ABI3BP: variants seen among roughly 807,000 people sequenced by gnomAD.
ABI3BP encodes ABI family member 3 binding protein.
A neutral mutation model predicts 268.6 loss-of-function variants in ABI3BP; 216 were observed. The ratio of observed to expected loss-of-function variants is 0.80; its 90% CI spans 0.72 to 0.90. The LOEUF is 0.90. Among genes scored for constraint, ABI3BP ranks in the 40% least tolerant of loss-of-function variants. The probability of loss-of-function intolerance (pLI) is 0.00; values close to 1 mark genes in which losing one functional copy is unlikely to be tolerated. For synonymous variants in ABI3BP, 730 were observed against 730.0 expected, an observed-to-expected ratio of 1.00 and a Z score of 0.00; for missense variants, 2,090 against 2,182.4, an observed-to-expected ratio of 0.96 and a Z score of 0.84.
rs1411634977 is a variant in ABI3BP at position 100,918,313 on chromosome 3, C to CGTCCACCT, written c.259+7981_259+7988dup. On this transcript the variant is annotated intron_variant, in intron 2 of 67. Coordinates refer to ENST00000471714, the MANE Select transcript of ABI3BP (RefSeq NM_001375547.2). ...CCATCCACCCATCCACCCATCCACC[C>CGTCCACCT]GTCCACCTGTCCACCCGTCCACCCA... Among the ~76,000 whole-genome samples, 12 of 147,346 alleles carry CGTCCACCT rather than the reference C, an allele frequency of 8.1e-5. No individual in the cohort carries two copies. The South Asian group carries it at 2.2e-3, about 26-fold the overall frequency.
At chr3:100,758,903 T>C (rs2095788751) in intron 63 of ABI3BP, among the ~76,000 whole-genome samples, 1 of 152,176 alleles carries the variant, frequency 6.6e-6, no homozygotes, top group Non-Finnish European at 1.5e-5. Context: ...ATTTCTTCTT[T>C]AGTGGAAGAG....
chr3:100,752,776 G>T lies in ABI3BP; in HGVS notation c.5122+11C>A, dbSNP rs1233197862. ...TTAAGGGCTGAAAACAGAGCTGGTA[G>T]CTCTGCTTACCTGTGAGGGAGTCGC... is the stretch of plus-strand genomic sequence containing the variant. On this transcript the variant is annotated intron_variant, in intron 66 of 67. Coordinates refer to ENST00000471714, the MANE Select transcript of ABI3BP (RefSeq NM_001375547.2). 17 of 1,611,536 alleles carry T rather than the reference G, an allele frequency of 1.1e-5. No homozygotes were observed. The highest frequency in any genetic ancestry group is 2.7e-5 in the African/African-American group (2 of 74,996).
intron 59 of ABI3BP, among the ~76,000 whole-genome samples, chr3:100,777,728 T>C (rs2096747821): frequency 6.6e-6 from 1 of 152,180 alleles, no homozygotes; most frequent in African/African-American, 2.4e-5. Flanking sequence ...GGAATGTGTG[T>C]GCCCAGGCAT....
chr3:100,753,898 C>T, intron 64 of ABI3BP, 50 bp from the exon 65 acceptor site: 1 of 1,564,444 alleles, frequency 6.4e-7, no homozygotes, highest in South Asian at 1.2e-5. Context: ...AAAACCCCAA[C>T]ATTCCAGTGG....
Position 100,750,378 on chromosome 3 carries a change from T to A in ABI3BP, c.*117A>T. ...AATAATAAACATCTAGTATTGCTATTAATTAGATTGTAGACTTTTATACAT... is the reference window on the plus strand; with the variant it reads ...AATAATAAACATCTAGTATTGCTATAAATTAGATTGTAGACTTTTATACAT... On this transcript the variant is annotated 3_prime_UTR_variant, in exon 68 of 68. Transcript: ENST00000471714. 1.5e-6 allele frequency: 1 copy of A among 663,116 alleles called. No homozygotes were observed. The highest frequency in any genetic ancestry group is 3.3e-4 in the Middle Eastern group (1 of 3,018). The allele number at this position is 663,116 out of a possible 1,614,324, so 41.1% of individuals were successfully genotyped here. A position where few individuals can be genotyped will look rare whatever the true frequency, so the allele number is the denominator to read the frequency against.
intron 61 of ABI3BP, among the ~76,000 whole-genome samples, chr3:100,771,494 A>G (rs2096544177): frequency 6.6e-6 from 1 of 151,260 alleles, no homozygotes; most frequent in South Asian, 2.1e-4. Flanking sequence ...TAGATCTCAC[A>G]TAGATGTTAG....
chr3:100,820,273 G>A lies in ABI3BP; in HGVS notation c.2978C>T (p.Pro993Leu), dbSNP rs1006868941. Residue 993 changes from proline (P) to leucine (L), a missense_variant, in exon 40 of 68, where the codon CCA (proline) becomes CTA (leucine). Pro to Leu is a moderately conservative substitution (Grantham distance 98, BLOSUM62 -3). Coordinates refer to ENST00000471714, the MANE Select transcript of ABI3BP (RefSeq NM_001375547.2). ...TGGTGTGGTTTTAGTTTTGGGACGT[G>A]GACGACGAGTTCGTTGTGATGTTTT... The part of the protein sequence containing the change: ...APKTSQRTRR[P>L]RPKTKTTPSP... 1 of 1,536,120 alleles carries A rather than the reference G, an allele frequency of 6.5e-7. No homozygotes were observed.
chr3:100,820,492 C>T (rs1384515324), intron 39 of ABI3BP, among the ~76,000 whole-genome samples, 189 bp from the exon 40 acceptor site: 1 of 149,188 alleles, frequency 6.7e-6, no homozygotes, highest in Non-Finnish European at 1.5e-5. Context: ...GGAAGTGTCA[C>T]ATTCTAAAAT....
intron 64 of ABI3BP, among the ~76,000 whole-genome samples, 174 bp from the exon 65 acceptor site, chr3:100,754,022 T>C (rs565606670): frequency 1.3e-5 from 2 of 152,356 alleles, no homozygotes; most frequent in East Asian, 3.9e-4. Flanking sequence ...TTGTTCTTGA[T>C]TGAATAATCT....
At chr3:100,891,717 C>T (rs1252563288) in intron 4 of ABI3BP, among the ~76,000 whole-genome samples, 2 of 152,180 alleles carry the variant, frequency 1.3e-5, no homozygotes, top group Non-Finnish European at 2.9e-5. Context: ...AATAGACTGG[C>T]TAGATGATTT....
chr3:100,984,515 A>G (rs1460435868), intron 1 of ABI3BP, among the ~76,000 whole-genome samples: 1 of 152,230 alleles, frequency 6.6e-6, no homozygotes, highest in Non-Finnish European at 1.5e-5. Context: ...AAAATGCCAC[A>G]TCTTCTAGCT....
chr3:100,958,044 A>G (rs764111238), intron 1 of ABI3BP, among the ~76,000 whole-genome samples: 2 of 108,148 alleles, frequency 1.8e-5, no homozygotes, highest in South Asian at 2.6e-4. Context: ...AAGGAAAAAC[A>G]TGTGTATCTT....
chr3:100,991,941 T>C (rs2093003539), intron 1 of ABI3BP, among the ~76,000 whole-genome samples: 1 of 152,206 alleles, frequency 6.6e-6, no homozygotes, highest in Non-Finnish European at 1.5e-5. Flanking sequence ...ATAAAAGTCT[T>C]CTGTAGGTAT....
chr3:100,850,466 A>G (rs964665023), intron 16 of ABI3BP, among the ~76,000 whole-genome samples, 194 bp downstream of exon 16: 1 of 152,176 alleles, frequency 6.6e-6, no homozygotes, highest in African/African-American at 2.4e-5. Context: ...ATTACAGCTC[A>G]AAAAAATAAA....
intron 65 of ABI3BP, among the ~76,000 whole-genome samples, chr3:100,753,245 G>T (rs1391847492): frequency 6.6e-6 from 1 of 151,902 alleles, no homozygotes; most frequent in Non-Finnish European, 1.5e-5. Flanking sequence ...ATGTTATAAA[G>T]TTTAGACAAC....
chr3:100,989,019 T>G (rs1316382399), intron 1 of ABI3BP, among the ~76,000 whole-genome samples: 1 of 152,182 alleles, frequency 6.6e-6, no homozygotes, highest in Non-Finnish European at 1.5e-5. Flanking sequence ...GTGTTGCCAG[T>G]GCGATAGTAT....
intron 31 of ABI3BP, 104 bp downstream of exon 31, chr3:100,832,160 A>C: frequency 9.2e-7 from 1 of 1,092,382 alleles, no homozygotes; most frequent in Non-Finnish European, 1.3e-6. Context: ...TTTACTCTTA[A>C]GAGATATATA....
At chr3:100,917,411 G>A (rs2058942187) in intron 2 of ABI3BP, among the ~76,000 whole-genome samples, 1 of 152,036 alleles carries the variant, frequency 6.6e-6, no homozygotes, top group Non-Finnish European at 1.5e-5. Flanking sequence ...AATCAGGAAA[G>A]TTGATGTGAC....
chr3:100,885,610 A>T (rs748710480), intron 5 of ABI3BP, 22 bp from the exon 6 acceptor site: 1 of 1,470,922 alleles, frequency 6.8e-7, no homozygotes, highest in Non-Finnish European at 9.3e-7. Context: ...AGGGAAAAAT[A>T]ACATTATTTT....
Sources: allele counts gnomAD v4.1 joint callset (sites outside exome capture counted in the v4.1 genomes callset), GRCh38; gene constraint gnomAD v4.1.1; transcripts MANE v1.5; gene names NCBI Gene and HGNC (gene_info 2026-07-23, HGNC 2026-07-21).